The following C13orf42 variants were observed in gnomAD, a reference collection of about 807,000 sequenced individuals.
C13orf42 encodes the protein chromosome 13 open reading frame 42.
chr13:51,117,922 C>T (rs1953504833), intron 1 of C13orf42, among the ~76,000 whole-genome samples: 1 of 152,206 alleles, frequency 6.6e-6, no homozygotes, highest in African/African-American at 2.4e-5. Flanking sequence ...CTCTTGCCTG[C>T]ATGGTCAAAA....
upstream of C13orf42, among the ~76,000 whole-genome samples, chr13:51,114,661 G>T (rs1259928876): frequency 7.8e-5 from 8 of 102,724 alleles, no homozygotes; most frequent in South Asian, 3.7e-4. Flanking sequence ...TAGACAGACA[G>T]ACAGACAGAC....
intron 1 of C13orf42, among the ~76,000 whole-genome samples, chr13:51,170,596 C>A: frequency 6.6e-6 from 1 of 152,142 alleles, no homozygotes; most frequent in East Asian, 1.9e-4. Flanking sequence ...CTGGTAGAGA[C>A]AAAAGAGACA....
intron 1 of C13orf42, among the ~76,000 whole-genome samples, chr13:51,171,625 C>G (rs1953953336): frequency 2.0e-5 from 3 of 152,132 alleles, no homozygotes; most frequent in East Asian, 1.9e-4. Context: ...TATCACCTCC[C>G]CTCCTCACAC....
At position 51,082,932 on chromosome 13, in the gene C13orf42, A is replaced by G. The variant is rs1198322170; in HGVS notation, c.*1219T>C. The G allele has an allele frequency of 6.6e-6, 1 of 152,230 alleles. No homozygotes were observed. Among genetic ancestry groups the G allele is most frequent in the Non-Finnish European group, 1.5e-5 (1 of 68,042 alleles). The allele number at this position is 152,230 out of a possible 1,614,324, so 9.4% of individuals were successfully genotyped here. A position where few individuals can be genotyped will look rare whatever the true frequency, so the allele number is the denominator to read the frequency against. On this transcript the variant is annotated 3_prime_UTR_variant, in exon 4 of 4. Transcript: ENST00000563710. ...TTCACATAAACAAAAGGTTCTTCCT[A>G]AAAAATGGAACAATAAGAATATCAT...
chr13:51,141,095 GGTGTGTGTGTGTGTGTGTGTGTGTGT>G (rs3043870), intron 1 of C13orf42, among the ~76,000 whole-genome samples: 9 of 128,498 alleles, frequency 7.0e-5, no homozygotes, highest in Non-Finnish European at 9.7e-5. Context: ...ATCGAAGGGA[GGTGTGTGTGTGTGTGTGTGTGTGTGT>G]GTGTGTGTGT....
intron 1 of C13orf42, among the ~76,000 whole-genome samples, chr13:51,123,096 T>C (rs1458881146): frequency 2.0e-5 from 3 of 152,158 alleles, no homozygotes; most frequent in Non-Finnish European, 4.4e-5. Flanking sequence ...CCACACGTGG[T>C]GAATGATTAA....
At chr13:51,129,475 C>T (rs998640763) in intron 1 of C13orf42, among the ~76,000 whole-genome samples, 21 of 152,156 alleles carry the variant, frequency 1.4e-4, no homozygotes, top group Non-Finnish European at 2.4e-4. Flanking sequence ...GACAAGGGAC[C>T]GCCTGAAGAT....
intron 1 of C13orf42, among the ~76,000 whole-genome samples, chr13:51,147,923 G>A (rs1953751001): frequency 6.6e-6 from 1 of 151,096 alleles, no homozygotes; most frequent in Non-Finnish European, 1.5e-5. Flanking sequence ...ATATGGAGAG[G>A]GCTTGAGAAG....
chr13:51,094,053 T>A (rs1234400894), intron 1 of C13orf42, among the ~76,000 whole-genome samples: 3 of 152,346 alleles, frequency 2.0e-5, no homozygotes, highest in East Asian at 1.9e-4. Flanking sequence ...GCTCACACTG[T>A]CCTGCATTTT....
intron 1 of C13orf42, among the ~76,000 whole-genome samples, chr13:51,108,151 A>G (rs980284234): frequency 3.9e-5 from 6 of 152,030 alleles, no homozygotes; most frequent in Admixed American, 6.6e-5. Context: ...TTCTTATGAA[A>G]ACACCAGTCC....
chr13:51,125,899 T>C (rs1283108863), intron 1 of C13orf42, among the ~76,000 whole-genome samples: 4 of 152,242 alleles, frequency 2.6e-5, no homozygotes, highest in Non-Finnish European at 2.9e-5. Flanking sequence ...TTCTCTCATT[T>C]GGCTGACCAT....
chr13:51,086,515 T>A (rs76689398), intron 2 of C13orf42, among the ~76,000 whole-genome samples: 11 of 139,310 alleles, frequency 7.9e-5, no homozygotes, highest in Admixed American at 2.8e-4. Flanking sequence ...AGAGAGAGAG[T>A]GTGTGTGTGT....
chr13:51,104,173 A>G (rs1593534432), intron 1 of C13orf42, among the ~76,000 whole-genome samples: 2 of 152,354 alleles, frequency 1.3e-5, no homozygotes, highest in East Asian at 3.9e-4. Flanking sequence ...CTAGGGTACT[A>G]CTAACAATAC....
At chr13:51,115,797 C>T (rs561357399), upstream of C13orf42, among the ~76,000 whole-genome samples, 4 of 152,206 alleles carry the variant, frequency 2.6e-5, no homozygotes, top group Admixed American at 6.5e-5. Context: ...TCCCATGTCA[C>T]GAAGTCCAAG....
intron 2 of C13orf42, among the ~76,000 whole-genome samples, chr13:51,086,762 CATCCTTTCACCAAT>C (rs1476125740): frequency 6.6e-6 from 1 of 152,036 alleles, no homozygotes; most frequent in Non-Finnish European, 1.5e-5. Flanking sequence ...TGGATTTTGT[CATCCTTTCACCAAT>C]ATCCTGAATT....
At chr13:51,100,171 TA>T (rs1292935974) in intron 1 of C13orf42, among the ~76,000 whole-genome samples, 4 of 150,392 alleles carry the variant, frequency 2.7e-5, no homozygotes, top group Non-Finnish European at 4.4e-5. Flanking sequence ...TGGTTTTTTT[TA>T]AAAAAAAAGA....
intron 1 of C13orf42, among the ~76,000 whole-genome samples, chr13:51,165,681 G>A (rs1008419796): frequency 2.0e-5 from 3 of 152,206 alleles, no homozygotes; most frequent in South Asian, 4.1e-4. Context: ...CTGAGAATAT[G>A]CCACTGGCTT....
At chr13:51,104,686 G>A (rs1369126852) in intron 1 of C13orf42, among the ~76,000 whole-genome samples, 1 of 150,442 alleles carries the variant, frequency 6.6e-6, no homozygotes, top group African/African-American at 2.4e-5. Flanking sequence ...TGGTGGTGAA[G>A]ATTACACAAT....
In C13orf42 at chr13:51,166,921, A is replaced by T. The variant is rs999033627; in HGVS notation, n.136+5332T>A. Among the ~76,000 whole-genome samples the T allele has an allele frequency of 1.1e-4, 16 of 152,264 alleles. No individual in the cohort carries two copies. The South Asian group carries it at 1.2e-3, about 12-fold the overall frequency. On this transcript the variant is annotated intron_variant and non_coding_transcript_variant, in intron 1 of 4. Coordinates refer to the C13orf42 transcript ENST00000433280. ...CAGTGAAACCCTGTCTCTACTAAAA[A>T]TATAAAAATTAGCTATGTGTGGTGG...
Sources: gnomAD v4.1 joint callset for allele counts (sites outside exome capture counted in the v4.1 genomes callset) on GRCh38, gnomAD v4.1.1 for gene constraint, MANE v1.5 for transcripts, NCBI Gene and HGNC (gene_info 2026-07-23, HGNC 2026-07-21) for gene names.